Variants in MIA2 observed in about 807,000 individuals in gnomAD.
MIA2 encodes the protein melanoma inhibitory activity protein 2.
MIA2 carries 127 observed loss-of-function variants against 167.8 expected under a neutral mutation model. That is an observed-to-expected ratio of 0.76 (90% CI 0.66 to 0.88). MIA2 has a LOEUF of 0.88. Among genes scored for constraint, MIA2 ranks in the 40% least tolerant of loss-of-function variants. MIA2 has a pLI of 0.00. For synonymous variants in MIA2, 552 were observed against 541.9 expected (o/e 1.02, Z -0.26); for missense variants, 1,690 against 1,624.7 (o/e 1.04, Z -0.69).
At chr14:39,276,911 A>C in intron 6 of MIA2, 23 bp from the exon 7 acceptor site, 1 of 1,604,718 alleles carries the variant, frequency 6.2e-7, no homozygotes, top group South Asian at 1.1e-5. Context: ...ATTTTTAAGA[A>C]CTTACTTTTC....
intron 4 of MIA2, among the ~76,000 whole-genome samples, chr14:39,251,172 C>T (rs1337139425): frequency 2.0e-5 from 3 of 152,068 alleles, no homozygotes; most frequent in Admixed American, 6.6e-5. Flanking sequence ...GTGAAAGGCT[C>T]AGACTTGAGA....
chr14:39,384,587 C>T (rs2075235235), intron 23 of MIA2, among the ~76,000 whole-genome samples: 1 of 151,972 alleles, frequency 6.6e-6, no homozygotes, highest in African/African-American at 2.4e-5. Flanking sequence ...TAGATGAAAC[C>T]AATTTTCACA....
chr14:39,280,942 A>G (rs2058831763), intron 9 of MIA2, among the ~76,000 whole-genome samples: 3 of 55,920 alleles, frequency 5.4e-5, no homozygotes, highest in African/African-American at 4.3e-4. Context: ...TTTTTGAGAC[A>G]GCGTCTCTCT....
Position 39,303,498 on chromosome 14 carries a change from TTGAAGAAACTGA to T in MIA2, c.2763_2774del (p.Leu921_Ile925delinsPhe). The T allele has an allele frequency of 6.2e-7, 1 of 1,611,482 alleles. No individual in the cohort carries two copies. The highest frequency in any genetic ancestry group is 8.5e-7 in the Non-Finnish European group (1 of 1,178,422). On this transcript the variant is annotated inframe_deletion, in exon 16 of 29. Transcript: ENST00000640607. ...TGTAGATAATCCTCCAAAAGGAGCT[TTGAAGAAACTGA>T]TTCATGCTGCTAAGGTTTGTGCTAT...
At position 39,234,142 on chromosome 14, in the gene MIA2, C is replaced by T. The variant is rs1468848356; in HGVS notation, c.28C>T (p.Leu10Phe). ...GGCAAAATTTGGCGTTCACAGAATC[C>T]TTCTTCTGGCTATTTCTCTGACAAA... MAKFGVHRILLLAISLTKCL... is the reference protein window; with the variant it reads MAKFGVHRIFLLAISLTKCL... The change falls in exon 1 of 29, where the codon CTT (leucine) becomes TTT (phenylalanine). Residue 10 changes from leucine (L) to phenylalanine (F), a missense_variant. Leu to Phe is a conservative substitution (Grantham distance 22, BLOSUM62 0). Coordinates refer to ENST00000640607, the MANE Select transcript of MIA2 (RefSeq NM_001329214.4). 2 of 1,606,226 alleles carry T rather than the reference C, an allele frequency of 1.2e-6. No homozygotes were observed. Among genetic ancestry groups the T allele is most frequent in the Non-Finnish European group, 1.7e-6 (2 of 1,177,064 alleles).
chr14:39,314,610 GTTTTT>G, intron 19 of MIA2, 124 bp from the exon 20 acceptor site: 29 of 188,952 alleles, frequency 1.5e-4, no homozygotes, highest in East Asian at 3.4e-4. Context: ...GAGTTCTGGA[GTTTTT>G]TTTTTTTTTT....
rs141383720 is a variant in MIA2, at chr14:39,376,842, A to G, written c.2249-10043A>G. On this transcript the variant is annotated intron_variant, in intron 23 of 23. Transcript: ENST00000341502. ...AAACCACATAGGGGAATAGTGAATT[A>G]TGTATTCGTCTTATGCTCAGTAAAT... is the stretch of plus-strand genomic sequence containing the variant. Among the ~76,000 whole-genome samples, 3 of 152,334 alleles carry G rather than the reference A, an allele frequency of 2.0e-5. 1 individual carries two copies. Among genetic ancestry groups the G allele is most frequent in the African/African-American group, 7.2e-5 (3 of 41,578 alleles).
intron 23 of MIA2, among the ~76,000 whole-genome samples, chr14:39,360,894 C>T (rs746832077): frequency 6.6e-6 from 1 of 152,146 alleles, no homozygotes; most frequent in Non-Finnish European, 1.5e-5. Flanking sequence ...TTTCCCAACT[C>T]GATTTATTGA....
intron 25 of MIA2, among the ~76,000 whole-genome samples, chr14:39,344,673 A>T (rs2072812030): frequency 2.0e-5 from 3 of 152,166 alleles, no homozygotes; most frequent in Non-Finnish European, 2.9e-5. Flanking sequence ...CTATAAAGTC[A>T]ATTAGAGGCA....
intron 4 of MIA2, among the ~76,000 whole-genome samples, chr14:39,249,498 G>A (rs1435249937): frequency 6.6e-6 from 1 of 151,514 alleles, no homozygotes; most frequent in East Asian, 1.9e-4. Flanking sequence ...CTGATAACAA[G>A]GGTTTTCTTT....
chr14:39,249,019 G>T (rs949419902), intron 4 of MIA2, among the ~76,000 whole-genome samples: 7 of 152,156 alleles, frequency 4.6e-5, no homozygotes, highest in African/African-American at 1.7e-4. Context: ...GATTACAGGT[G>T]TGAGCCATCG....
intron 23 of MIA2, chr14:39,385,913 A>G: frequency 1.2e-6 from 1 of 866,284 alleles, no homozygotes; most frequent in Non-Finnish European, 2.0e-6. Flanking sequence ...CCTCTACCCC[A>G]TCTTCTTCCT....
At chr14:39,339,446 C>G (rs186669989) in intron 25 of MIA2, among the ~76,000 whole-genome samples, 1 of 152,236 alleles carries the variant, frequency 6.6e-6, no homozygotes, top group East Asian at 1.9e-4. Flanking sequence ...GTAGCTTTCA[C>G]AAGGAGAAGG....
chr14:39,363,362 TC>T (rs1336630673), intron 23 of MIA2, among the ~76,000 whole-genome samples: 4 of 152,154 alleles, frequency 2.6e-5, no homozygotes, highest in Non-Finnish European at 4.4e-5. Flanking sequence ...AAATCCTGTC[TC>T]TACAAAAAAT....
chr14:39,283,535 A>T (rs1304364072), intron 9 of MIA2, among the ~76,000 whole-genome samples: 2 of 152,180 alleles, frequency 1.3e-5, no homozygotes, highest in Non-Finnish European at 1.5e-5. Context: ...CTTGTCTAGA[A>T]AAAGGGTTCC....
intron 26 of MIA2, 86 bp downstream of exon 26, chr14:39,346,112 G>A (rs184427691): frequency 3.6e-5 from 41 of 1,143,742 alleles, no homozygotes; most frequent in Non-Finnish European, 4.9e-5. Context: ...CAATATAATT[G>A]CTATCTCTAG....
chr14:39,377,508 A>G (rs1270086151), intron 23 of MIA2, among the ~76,000 whole-genome samples: 9 of 152,230 alleles, frequency 5.9e-5, no homozygotes. Context: ...AGTCATAGCC[A>G]GCAAAAATTT....
At chr14:39,367,578 C>T (rs1266513859) in intron 23 of MIA2, among the ~76,000 whole-genome samples, 2 of 152,222 alleles carry the variant, frequency 1.3e-5, no homozygotes, top group Non-Finnish European at 2.9e-5. Flanking sequence ...TCACCCTTTT[C>T]CTACACTGGA....
chr14:39,265,635 T>C, intron 6 of MIA2: 1 of 344,532 alleles, frequency 2.9e-6, no homozygotes, highest in Non-Finnish European at 5.2e-6. Flanking sequence ...CAAAGGGAGG[T>C]TTTTTTTTTG....
Sources: allele counts gnomAD v4.1 joint callset (sites outside exome capture counted in the v4.1 genomes callset), GRCh38; gene constraint gnomAD v4.1.1; transcripts MANE v1.5; gene names NCBI Gene and HGNC (gene_info 2026-07-23, HGNC 2026-07-21).